SEC23B: variants seen among roughly 807,000 people sequenced by gnomAD.
SEC23B encodes the protein SEC23 homolog B, COPII component.
In SEC23B, 77 loss-of-function variants were observed where a neutral mutation model predicts 104.3. The observed-to-expected ratio is 0.74, with a 90% CI of 0.61 to 0.89. SEC23B has a LOEUF of 0.89. SEC23B is among the 40% of genes least tolerant of loss of function. SEC23B has a pLI of 0.00. For synonymous variants in SEC23B, 338 were observed against 332.5 expected, an observed-to-expected ratio of 1.02 and a Z score of -0.18; for missense variants, 885 against 949.4, an observed-to-expected ratio of 0.93 and a Z score of 0.89.
At chr20:18,528,324 A>G (rs558082602) in intron 9 of SEC23B, among the ~76,000 whole-genome samples, 1 of 152,198 alleles carries the variant, frequency 6.6e-6, no homozygotes, top group Non-Finnish European at 1.5e-5. Context: ...CACTTTCTTT[A>G]GGTCTTGTCC....
chr20:18,529,155 G>A (rs1215700875), intron 9 of SEC23B, among the ~76,000 whole-genome samples: 1 of 152,240 alleles, frequency 6.6e-6, no homozygotes, highest in East Asian at 1.9e-4. Flanking sequence ...AGATTAAGCT[G>A]AAGACACATG....
At chr20:18,511,116 G>C in intron 2 of SEC23B, 60 bp downstream of exon 2, 1 of 1,376,850 alleles carries the variant, frequency 7.3e-7, no homozygotes. Flanking sequence ...AATTTTATGT[G>C]ATGCTCATAA....
At position 18,527,397 on chromosome 20, in the gene SEC23B, A is replaced by G. The variant is rs2060143206; in HGVS notation, c.994-99A>G. 3 of 804,942 alleles carry G rather than the reference A, an allele frequency of 3.7e-6. No individual in the cohort carries two copies. In the South Asian group the frequency reaches 4.0e-5, roughly 11 times the overall value. 49.9% of individuals were successfully genotyped at this position (804,942 alleles called of 1,614,324 possible). A position where few individuals can be genotyped will look rare whatever the true frequency, so the allele number is the denominator to read the frequency against. On this transcript the variant is annotated intron_variant, in intron 8 of 19. Coordinates refer to ENST00000650089, the MANE Select transcript of SEC23B (RefSeq NM_006363.6). ...TGTCACAAAAAGAGAAAAGAAAATGATTTACATGTTTTTATATTTGATTAC... is the reference window on the plus strand; with the variant it reads ...TGTCACAAAAAGAGAAAAGAAAATGGTTTACATGTTTTTATATTTGATTAC...
intron 16 of SEC23B, among the ~76,000 whole-genome samples, chr20:18,550,540 A>T (rs1422621853): frequency 6.6e-6 from 1 of 152,236 alleles, no homozygotes; most frequent in Non-Finnish European, 1.5e-5. Flanking sequence ...TCTCATCTAC[A>T]GAGAATGTCT....
At chr20:18,546,392 A>C (rs1477240283) in intron 15 of SEC23B, among the ~76,000 whole-genome samples, 1 of 152,042 alleles carries the variant, frequency 6.6e-6, no homozygotes, top group Non-Finnish European at 1.5e-5. Flanking sequence ...ATAACAAAAC[A>C]AAACCACAGT....
At chr20:18,531,152 C>T (rs1439331120) in intron 10 of SEC23B, among the ~76,000 whole-genome samples, 1 of 152,154 alleles carries the variant, frequency 6.6e-6, no homozygotes, top group Admixed American at 6.5e-5. Context: ...TAACAAGCTG[C>T]CTGGTTCACC....
chr20:18,549,302 C>G (rs6075360), intron 16 of SEC23B, among the ~76,000 whole-genome samples: 57 of 152,040 alleles, frequency 3.7e-4, no homozygotes, highest in African/African-American at 1.3e-3. Context: ...TGCATGTAAC[C>G]TTGGCACATC....
intron 17 of SEC23B, 130 bp downstream of exon 17, chr20:18,551,305 TAA>T: frequency 3.2e-6 from 2 of 628,096 alleles, no homozygotes; most frequent in Non-Finnish European, 5.5e-6. Context: ...TCTTATTTAT[TAA>T]GTTAGGTTTT....
At chr20:18,508,478 C>T (rs934425787) in intron 1 of SEC23B, among the ~76,000 whole-genome samples, 2 of 152,168 alleles carry the variant, frequency 1.3e-5, no homozygotes, top group Non-Finnish European at 2.9e-5. Flanking sequence ...TTTACCTCTT[C>T]AGATACCTTC....
chr20:18,517,701 A>G (rs2060042166), intron 4 of SEC23B, among the ~76,000 whole-genome samples: 2 of 152,156 alleles, frequency 1.3e-5, no homozygotes, highest in South Asian at 4.1e-4. Context: ...GGGAACCTAC[A>G]GTGGGAGAGA....
rs376306050 is a variant in SEC23B, at chr20:18,560,725, C to T, written c.2289C>T (p.Val763=). 1 of 1,613,456 alleles carries T rather than the reference C, an allele frequency of 6.2e-7. No homozygotes were observed. The highest frequency in any genetic ancestry group is 8.5e-7 in the Non-Finnish European group (1 of 1,179,482). The change falls in exon 20 of 20, where the codon GTC becomes GTT. Residue 763 remains valine, a synonymous_variant. Coordinates refer to ENST00000650089, the MANE Select transcript of SEC23B (RefSeq NM_006363.6). ...TGGACCATTTGAAGAAGCTGGCTGT[C>T]TCCAGTGCCTGTTAAGCTGAGGATA... is the stretch of plus-strand genomic sequence containing the variant. ...VFMDHLKKLA[V]SSAC
intron 12 of SEC23B, among the ~76,000 whole-genome samples, chr20:18,537,290 C>T (rs1049743285): frequency 4.6e-5 from 7 of 151,890 alleles, no homozygotes; most frequent in Non-Finnish European, 1.0e-4. Context: ...CACATGCACA[C>T]GTATGTTTAT....
chr20:18,539,757 G>A (rs888501301), intron 12 of SEC23B, among the ~76,000 whole-genome samples: 1 of 150,856 alleles, frequency 6.6e-6, no homozygotes, highest in African/African-American at 2.4e-5. Context: ...CAATTCTGCT[G>A]CCTCAGCCTC....
chr20:18,523,509 TCTC>T (rs1384511272), intron 4 of SEC23B, among the ~76,000 whole-genome samples: 1 of 149,896 alleles, frequency 6.7e-6, no homozygotes, highest in Non-Finnish European at 1.5e-5. Context: ...TTCAAGCAAT[TCTC>T]CTGCCTCAGC....
intron 4 of SEC23B, 54 bp from the exon 5 acceptor site, chr20:18,524,379 G>T (rs1032405354): frequency 9.0e-6 from 12 of 1,327,284 alleles, no homozygotes; most frequent in African/African-American, 1.4e-5. Flanking sequence ...CTTAAAAAGT[G>T]CTGGTTAAGT....
intron 7 of SEC23B, 85 bp from the exon 8 acceptor site, chr20:18,526,288 C>A: frequency 6.9e-7 from 1 of 1,459,064 alleles, no homozygotes; most frequent in African/African-American, 1.4e-5. Context: ...GAGAATGCAT[C>A]TTTGGAGTAT....
intron 16 of SEC23B, 35 bp downstream of exon 16, chr20:18,548,805 G>A: frequency 2.5e-6 from 4 of 1,601,382 alleles, no homozygotes; most frequent in Non-Finnish European, 3.4e-6. Flanking sequence ...CTGAGGATTG[G>A]AATCACCTAA....
intron 12 of SEC23B, among the ~76,000 whole-genome samples, chr20:18,539,951 C>G (rs983966772): frequency 6.6e-6 from 1 of 152,148 alleles, no homozygotes; most frequent in African/African-American, 2.4e-5. Context: ...GCTGAGGATC[C>G]ACTTCTAATT....
At chr20:18,542,993 C>T (rs563845917) in intron 13 of SEC23B, 26 bp from the exon 14 acceptor site, 1 of 1,613,950 alleles carries the variant, frequency 6.2e-7, no homozygotes, top group South Asian at 1.1e-5. Context: ...TAAACATAAG[C>T]ATGGCACTAA....
Sources: allele counts gnomAD v4.1 joint callset (sites outside exome capture counted in the v4.1 genomes callset), GRCh38; gene constraint gnomAD v4.1.1; transcripts MANE v1.5; gene names NCBI Gene and HGNC (gene_info 2026-07-23, HGNC 2026-07-21).